Variants in STXBP5L observed in about 807,000 individuals in gnomAD.
The protein encoded by STXBP5L is syntaxin-binding protein 5-like.
Under a neutral mutation model 144.5 loss-of-function variants are expected in STXBP5L, and 65 were observed. That is an observed-to-expected ratio of 0.45 (90% CI 0.37 to 0.55). The LOEUF (loss-of-function observed/expected upper bound fraction) is 0.55. STXBP5L is among the 20% of genes least tolerant of loss of function. The pLI, the probability that STXBP5L is intolerant of heterozygous loss-of-function variation, is 0.00. For missense variants in STXBP5L, 1,298 were observed against 1,405.5 expected (o/e 0.92, Z 1.22); for synonymous variants, 505 against 469.6 (o/e 1.08, Z -0.97).
chr3:121,311,531 A>G (rs2043528072), intron 19 of STXBP5L, among the ~76,000 whole-genome samples: 3 of 152,228 alleles, frequency 2.0e-5, no homozygotes, highest in Admixed American at 1.3e-4. Flanking sequence ...AATCACAAGC[A>G]TTCTTATACA....
intron 10 of STXBP5L, among the ~76,000 whole-genome samples, chr3:121,217,833 T>A (rs940704222): frequency 2.6e-5 from 4 of 151,822 alleles, no homozygotes. Flanking sequence ...CCTGAGAGGT[T>A]CTTCCATGAC....
chr3:120,947,148 A>G (rs1324160510), intron 2 of STXBP5L, among the ~76,000 whole-genome samples: 1 of 151,868 alleles, frequency 6.6e-6, no homozygotes, highest in East Asian at 1.9e-4. Flanking sequence ...CTAGATATTA[A>G]GAAATTCACT....
intron 3 of STXBP5L, among the ~76,000 whole-genome samples, chr3:120,975,884 G>C (rs1436984755): frequency 6.6e-6 from 1 of 152,086 alleles, no homozygotes; most frequent in African/African-American, 2.4e-5. Flanking sequence ...TTGCATCCCA[G>C]GGATGAAGCC....
intron 2 of STXBP5L, among the ~76,000 whole-genome samples, chr3:120,951,761 T>A (rs1016346155): frequency 9.9e-5 from 15 of 152,006 alleles, no homozygotes; most frequent in African/African-American, 3.6e-4. Context: ...TCCTCAGGGA[T>A]CTAGAACTAA....
intron 12 of STXBP5L, among the ~76,000 whole-genome samples, chr3:121,236,060 T>C (rs2049472391): frequency 6.6e-6 from 1 of 152,178 alleles, no homozygotes; most frequent in African/African-American, 2.4e-5. Context: ...CTTGTACATA[T>C]GATGTTCTAA....
At chr3:121,391,809 T>C (rs1166750420) in intron 22 of STXBP5L, among the ~76,000 whole-genome samples, 1 of 152,146 alleles carries the variant, frequency 6.6e-6, no homozygotes, top group Non-Finnish European at 1.5e-5. Flanking sequence ...CTATATGAGG[T>C]GCCTGGCTGC....
At chr3:121,246,210 T>G (rs750315225) in intron 14 of STXBP5L, among the ~76,000 whole-genome samples, 1 of 152,226 alleles carries the variant, frequency 6.6e-6, no homozygotes, top group Non-Finnish European at 1.5e-5. Flanking sequence ...TATTGTGAAC[T>G]GCACATGCAA....
intron 9 of STXBP5L, among the ~76,000 whole-genome samples, chr3:121,199,484 G>T (rs1157398109): frequency 3.9e-5 from 6 of 152,042 alleles, no homozygotes; most frequent in African/African-American, 1.4e-4. Flanking sequence ...TCTTTCTCTT[G>T]CCTGATTGCC....
intron 9 of STXBP5L, among the ~76,000 whole-genome samples, chr3:121,189,829 A>C (rs1468792077): frequency 6.6e-6 from 1 of 152,200 alleles, no homozygotes; most frequent in Non-Finnish European, 1.5e-5. Flanking sequence ...GCGTGTGAAT[A>C]AAATGACCAA....
chr3:121,330,594 C>G (rs1246538272), intron 20 of STXBP5L, among the ~76,000 whole-genome samples: 1 of 152,122 alleles, frequency 6.6e-6, no homozygotes, highest in African/African-American at 2.4e-5. Context: ...CAGAGTACCT[C>G]CCCTGGGTAA....
At chr3:121,228,870 C>T (rs2049209461) in intron 11 of STXBP5L, among the ~76,000 whole-genome samples, 1 of 152,088 alleles carries the variant, frequency 6.6e-6, no homozygotes, top group Non-Finnish European at 1.5e-5. Flanking sequence ...GAGTGAGACT[C>T]CGTCTCAGAA....
At chr3:121,058,333 C>A (rs117390034) in intron 5 of STXBP5L, among the ~76,000 whole-genome samples, 6 of 152,210 alleles carry the variant, frequency 3.9e-5, no homozygotes, top group Non-Finnish European at 8.8e-5. Flanking sequence ...GCATAGGAGT[C>A]CATGGTGTAC....
rs941739728 is a variant in STXBP5L at position 121,189,061 on chromosome 3, C to T, written c.878-16862C>T. Among the ~76,000 whole-genome samples the T allele has an allele frequency of 2.0e-5, 3 of 152,124 alleles. No individual in the cohort carries two copies. In the East Asian group the frequency reaches 5.8e-4, roughly 29 times the overall value. On this transcript the variant is annotated intron_variant, in intron 9 of 26. Coordinates refer to ENST00000471454, the MANE Select transcript of STXBP5L (RefSeq NM_001308330.2). ...ACATGAATTTTATACTTAGAAAACC[C>T]CATTGTCTTCACCCATAATCTCCTT...
chr3:121,071,756 G>A (rs1042056990), intron 5 of STXBP5L, among the ~76,000 whole-genome samples: 2 of 152,160 alleles, frequency 1.3e-5, no homozygotes, highest in Non-Finnish European at 2.9e-5. Context: ...TATATTTCCT[G>A]TATGGCCTCA....
In STXBP5L at chr3:121,275,664, A is replaced by G. The variant is rs150192168; in HGVS notation, c.1959-4141A>G. Among the ~76,000 whole-genome samples, 467 of 152,120 alleles carry G rather than the reference A, an allele frequency of 3.1e-3. 5 individuals carry two copies. Among genetic ancestry groups the G allele is most frequent in the African/African-American group, 0.011 (449 of 41,540 alleles). ...CTACACCTTAATTGTAGATTTGTCT[A>G]TTTTCCCTTTCAGTTCTATTGGTTT... On this transcript the variant is annotated intron_variant, in intron 18 of 26. Coordinates refer to ENST00000471454, the MANE Select transcript of STXBP5L (RefSeq NM_001308330.2).
intron 5 of STXBP5L, among the ~76,000 whole-genome samples, chr3:121,113,137 C>T (rs778843796): frequency 6.6e-6 from 1 of 152,282 alleles, no homozygotes; most frequent in Middle Eastern, 3.4e-3. Flanking sequence ...CTAGTTCTGT[C>T]TCATTACTGA....
At chr3:121,005,282 G>C (rs1051055389) in intron 3 of STXBP5L, among the ~76,000 whole-genome samples, 2 of 152,120 alleles carry the variant, frequency 1.3e-5, no homozygotes, top group African/African-American at 4.8e-5. Context: ...AGTCTTGAGA[G>C]GGTGTATGTG....
At chr3:121,384,385 T>G (rs1002456577) in intron 22 of STXBP5L, among the ~76,000 whole-genome samples, 1 of 152,038 alleles carries the variant, frequency 6.6e-6, no homozygotes, top group Non-Finnish European at 1.5e-5. Context: ...ATTCAGAGGC[T>G]GGGCGCAGTG....
chr3:120,990,811 C>T (rs375792574), intron 3 of STXBP5L, among the ~76,000 whole-genome samples: 2 of 152,110 alleles, frequency 1.3e-5, no homozygotes, highest in African/African-American at 2.4e-5. Context: ...CTTCCTTACA[C>T]GTTATACAAA....
Sources: allele counts gnomAD v4.1 joint callset (sites outside exome capture counted in the v4.1 genomes callset), GRCh38; gene constraint gnomAD v4.1.1; transcripts MANE v1.5; gene names NCBI Gene and HGNC (gene_info 2026-07-23, HGNC 2026-07-21).